SPTLC3: variants seen among roughly 807,000 people sequenced by gnomAD.
The protein encoded by SPTLC3 is serine palmitoyltransferase 3.
In SPTLC3, 36 loss-of-function variants were observed where a neutral mutation model predicts 59.3. The ratio of observed to expected loss-of-function variants is 0.61; its 90% CI spans 0.47 to 0.80. The LOEUF is 0.80. Among genes scored for constraint, SPTLC3 ranks in the 30% least tolerant of loss-of-function variants. The pLI is 0.00. For missense variants in SPTLC3, 625 were observed against 685.1 expected, an observed-to-expected ratio of 0.91 and a Z score of 0.98; for synonymous variants, 257 against 240.8, an observed-to-expected ratio of 1.07 and a Z score of -0.62.
chr20:13,063,728 A>G (rs1291881761), intron 2 of SPTLC3, among the ~76,000 whole-genome samples: 3 of 151,122 alleles, frequency 2.0e-5, no homozygotes, highest in African/African-American at 7.3e-5. Flanking sequence ...GTGTCAGCTC[A>G]CTGCAAACCT....
chr20:13,138,334 T>A (rs556476383), intron 9 of SPTLC3, among the ~76,000 whole-genome samples: 3 of 152,202 alleles, frequency 2.0e-5, no homozygotes, highest in Admixed American at 6.5e-5. Flanking sequence ...AAGGCTCTCA[T>A]CCCTCCCCAC....
intron 9 of SPTLC3, among the ~76,000 whole-genome samples, chr20:13,142,554 G>A (rs2038409254): frequency 6.6e-6 from 1 of 152,210 alleles, no homozygotes; most frequent in East Asian, 1.9e-4. Context: ...GGGCTAGAGA[G>A]ATTGTATTTG....
chr20:13,072,450 C>T, intron 3 of SPTLC3, 40 bp downstream of exon 3: 1 of 1,505,516 alleles, frequency 6.6e-7, no homozygotes, highest in Non-Finnish European at 8.9e-7. Flanking sequence ...AAAAGAAAAA[C>T]CTTTCAAGGA....
intron 6 of SPTLC3, among the ~76,000 whole-genome samples, chr20:13,102,744 T>C (rs890566813): frequency 2.6e-5 from 4 of 152,130 alleles, no homozygotes; most frequent in African/African-American, 9.7e-5. Flanking sequence ...CATTTAGAGA[T>C]CCCATCTCAG....
intron 2 of SPTLC3, among the ~76,000 whole-genome samples, chr20:13,072,017 G>A (rs768377207): frequency 2.0e-5 from 3 of 152,100 alleles, no homozygotes; most frequent in Admixed American, 6.5e-5. Flanking sequence ...ACTTGCTTTC[G>A]GGCTTGTATT....
At chr20:13,033,096 G>T (rs1986573491) in intron 1 of SPTLC3, among the ~76,000 whole-genome samples, 1 of 152,146 alleles carries the variant, frequency 6.6e-6, no homozygotes, top group East Asian at 1.9e-4. Context: ...ACCTTGATTT[G>T]AATTTTGATC....
intron 1 of SPTLC3, among the ~76,000 whole-genome samples, chr20:13,043,140 C>T (rs2122478677): frequency 6.6e-6 from 1 of 152,190 alleles, no homozygotes; most frequent in East Asian, 1.9e-4. Flanking sequence ...TTTGTGTTCT[C>T]CCTCAGAGAA....
chr20:13,046,386 C>G (rs1347289126), intron 1 of SPTLC3, among the ~76,000 whole-genome samples: 1 of 152,224 alleles, frequency 6.6e-6, no homozygotes, highest in East Asian at 1.9e-4. Context: ...AAGCAGCCCT[C>G]CTTCCAAGTC....
chr20:13,027,751 A>G (rs951769607), intron 1 of SPTLC3, among the ~76,000 whole-genome samples: 1 of 152,168 alleles, frequency 6.6e-6, no homozygotes. Context: ...CTAAAATTTT[A>G]AAAATCCATG....
intron 9 of SPTLC3, among the ~76,000 whole-genome samples, chr20:13,153,206 G>A (rs2122957390): frequency 6.6e-6 from 1 of 152,330 alleles, no homozygotes; most frequent in Admixed American, 6.5e-5. Flanking sequence ...GACCCGAGTA[G>A]ACAGGCATCT....
chr20:13,087,148 T>C (rs948919481), intron 4 of SPTLC3, among the ~76,000 whole-genome samples: 7 of 152,160 alleles, frequency 4.6e-5, no homozygotes, highest in African/African-American at 1.7e-4. Flanking sequence ...AGGGAGCAAT[T>C]TCTCAGACTG....
intron 9 of SPTLC3, among the ~76,000 whole-genome samples, chr20:13,137,858 C>T (rs529678862): frequency 1.3e-5 from 2 of 152,266 alleles, no homozygotes; most frequent in South Asian, 4.1e-4. Flanking sequence ...TGCCCCTTCA[C>T]CACACAGACC....
At position 13,034,992 on chromosome 20, in the gene SPTLC3, T is replaced by C. The variant is rs1457911013; in HGVS notation, c.118-13953T>C. Among the ~76,000 whole-genome samples, 5 of 152,292 alleles carry C rather than the reference T, an allele frequency of 3.3e-5. 1 individual carries two copies. The South Asian group carries it at 8.3e-4, about 25-fold the overall frequency. ...GATCTTTCTCTCTATTCATTGCTAC[T>C]GTGCCTATCCTTCCACTGCTCAGCA... On this transcript the variant is annotated intron_variant, in intron 1 of 11. Coordinates refer to ENST00000399002, the MANE Select transcript of SPTLC3 (RefSeq NM_018327.4).
At chr20:13,009,945 C>A (rs1985146899) in intron 1 of SPTLC3, among the ~76,000 whole-genome samples, 1 of 152,120 alleles carries the variant, frequency 6.6e-6, no homozygotes, top group Non-Finnish European at 1.5e-5. Context: ...ACATTCTTTT[C>A]CAAAACACTT....
chr20:13,026,728 T>C (rs1253510621), intron 1 of SPTLC3, among the ~76,000 whole-genome samples: 1 of 152,238 alleles, frequency 6.6e-6, no homozygotes, highest in Non-Finnish European at 1.5e-5. Flanking sequence ...GCTGGTGCCA[T>C]GTCCACTTCT....
intron 8 of SPTLC3, among the ~76,000 whole-genome samples, chr20:13,124,568 C>T (rs548673207): frequency 5.9e-5 from 9 of 151,884 alleles, no homozygotes; most frequent in South Asian, 2.1e-4. Flanking sequence ...AGAAGAAGGA[C>T]GGGTGAAAGG....
chr20:13,015,177 C>T (rs1219248284), intron 1 of SPTLC3, among the ~76,000 whole-genome samples: 1 of 152,024 alleles, frequency 6.6e-6, no homozygotes, highest in East Asian at 1.9e-4. Context: ...ACAGAGCTTA[C>T]CCACTGTGTT....
In SPTLC3 at chr20:13,110,186, A is replaced by G. The variant is rs1451121979; in HGVS notation, c.901A>G (p.Lys301Glu). 6.2e-7 allele frequency: 1 copy of G among 1,613,636 alleles called. No individual in the cohort carries two copies. Among genetic ancestry groups the G allele is most frequent in the Non-Finnish European group, 8.5e-7 (1 of 1,179,786 alleles). ...GQPRTRRAWKKILILVEGVYS... is the reference protein window; with the variant it reads ...GQPRTRRAWKEILILVEGVYS... ...GCCTCGAACCCGCAGAGCTTGGAAA[A>G]AGATTCTCATCCTGGTGGAGGGTGT... Residue 301 changes from lysine to glutamate, a missense_variant, in exon 7 of 12, where the codon AAG becomes GAG. Coordinates refer to ENST00000399002, the MANE Select transcript of SPTLC3 (RefSeq NM_018327.4).
At position 13,168,869 on chromosome 20, in the gene SPTLC3, T is replaced by C. The variant is rs2039016100; in HGVS notation, c.*4002T>C. 1 of 152,022 alleles carries C rather than the reference T, an allele frequency of 6.6e-6. No homozygotes were observed. Among genetic ancestry groups the C allele is most frequent in the East Asian group, 1.9e-4 (1 of 5,188 alleles). The allele number at this position is 152,022 out of a possible 1,614,324, so 9.4% of individuals were successfully genotyped here. ...ACTCAGCTGCATAATGTTTAGAAAA[T>C]TAAAGAGTCTGTATTTTAAATATTT... On this transcript the variant is annotated 3_prime_UTR_variant, in exon 12 of 12. Coordinates refer to ENST00000399002, the MANE Select transcript of SPTLC3 (RefSeq NM_018327.4).
Sources: gnomAD v4.1 joint callset for allele counts (sites outside exome capture counted in the v4.1 genomes callset) on GRCh38, gnomAD v4.1.1 for gene constraint, MANE v1.5 for transcripts, NCBI Gene and HGNC (gene_info 2026-07-23, HGNC 2026-07-21) for gene names.